RNFT1: variants seen among roughly 807,000 people sequenced by gnomAD.
RNFT1 encodes the protein ring finger protein, transmembrane 1.
RNFT1 carries 35 observed loss-of-function variants against 53.2 expected under a neutral mutation model. The observed-to-expected ratio is 0.66, with a 90% CI of 0.50 to 0.87. The LOEUF (loss-of-function observed/expected upper bound fraction) is 0.87. RNFT1 is among the 40% of genes least tolerant of loss of function. The probability of loss-of-function intolerance (pLI) is 0.00; values close to 1 mark genes in which losing one functional copy is unlikely to be tolerated. For missense variants in RNFT1, 421 were observed against 515.0 expected, an observed-to-expected ratio of 0.82 and a Z score of 1.77; for synonymous variants, 141 against 172.8, an observed-to-expected ratio of 0.82 and a Z score of 1.44.
At chr17:59,959,555 A>G (rs1369741742) in intron 4 of RNFT1, 1 of 152,244 alleles carries the variant, frequency 6.6e-6, no homozygotes, top group Non-Finnish European at 1.5e-5. Context: ...GTATCAAAAA[A>G]TTAAATATTT....
chr17:59,955,234 G>T (rs938873041), intron 7 of RNFT1, among the ~76,000 whole-genome samples: 5 of 152,148 alleles, frequency 3.3e-5, no homozygotes, highest in African/African-American at 1.2e-4. Context: ...TGGTAATAAA[G>T]ATTTCAGAAA....
intron 7 of RNFT1, among the ~76,000 whole-genome samples, 159 bp from the exon 8 acceptor site, chr17:59,954,305 C>T (rs150915376): frequency 3.3e-5 from 5 of 152,262 alleles, no homozygotes; most frequent in Non-Finnish European, 7.4e-5. Context: ...TATACAGAAC[C>T]ACCTCTTGAG....
At position 59,964,640 on chromosome 17, in the gene RNFT1, G is replaced by C. The variant is rs1328664465; in HGVS notation, c.24C>G (p.Leu8=). The part of the protein sequence containing the change: MPLFLLS[L]PTPPSASGHE... The stretch of plus-strand genomic sequence containing the variant: ...GACCAGAAGCGGACGGAGGTGTCGG[G>C]AGCGACAGCAAGAACAGCGGCATAC... Residue 8 remains leucine, a synonymous_variant, in exon 1 of 9, where the codon CTC becomes CTG. Coordinates refer to ENST00000305783, the MANE Select transcript of RNFT1 (RefSeq NM_016125.4). 1 of 1,608,430 alleles carries C rather than the reference G, an allele frequency of 6.2e-7. No homozygotes were observed. The highest frequency in any genetic ancestry group is 8.5e-7 in the Non-Finnish European group (1 of 1,177,730).
At chr17:59,963,456 C>T (rs1170471490) in intron 1 of RNFT1, among the ~76,000 whole-genome samples, 172 bp from the exon 2 acceptor site, 1 of 151,902 alleles carries the variant, frequency 6.6e-6, no homozygotes, top group Non-Finnish European at 1.5e-5. Context: ...CAAGGCTCTG[C>T]TGCCCTACAC....
chr17:59,961,045 T>G (rs1439277045), intron 3 of RNFT1, among the ~76,000 whole-genome samples: 1 of 151,522 alleles, frequency 6.6e-6, no homozygotes, highest in African/African-American at 2.4e-5. Flanking sequence ...TTTTTTTTTT[T>G]TACTTTTTTG....
At chr17:59,955,228 A>C (rs980381860) in intron 7 of RNFT1, among the ~76,000 whole-genome samples, 3 of 152,230 alleles carry the variant, frequency 2.0e-5, no homozygotes, top group Non-Finnish European at 4.4e-5. Flanking sequence ...TGAAACTGGT[A>C]ATAAAGATTT....
In RNFT1 at chr17:59,957,214, T is replaced by A. The variant is rs768705641; in HGVS notation, c.1005+10A>T. The A allele has an allele frequency of 1.2e-6, 2 of 1,608,856 alleles. No individual in the cohort carries two copies. Among genetic ancestry groups the A allele is most frequent in the Non-Finnish European group, 8.5e-7 (1 of 1,178,066 alleles). On this transcript the variant is annotated intron_variant, in intron 6 of 8. Transcript: ENST00000305783. ...AATCATGCAGTGACAAGATTTGTAATGTTACCTACTTTTAATATGAGGTAG... is the reference window on the plus strand; with the variant it reads ...AATCATGCAGTGACAAGATTTGTAAAGTTACCTACTTTTAATATGAGGTAG...
intron 1 of RNFT1, 57 bp downstream of exon 1, chr17:59,964,551 C>T: frequency 6.5e-7 from 1 of 1,528,702 alleles, no homozygotes; most frequent in Non-Finnish European, 8.9e-7. Flanking sequence ...TCCCCAGAGC[C>T]CCCTGCGCCG....
chr17:59,958,771 T>C, intron 4 of RNFT1: 1 of 415,080 alleles, frequency 2.4e-6, no homozygotes, highest in Non-Finnish European at 4.7e-6. Flanking sequence ...CAATCAGGAT[T>C]CCATCTCTTC....
At chr17:59,954,019 G>A in intron 8 of RNFT1, 26 bp downstream of exon 8, 3 of 1,407,622 alleles carry the variant, frequency 2.1e-6, no homozygotes, top group Non-Finnish European at 2.9e-6. Context: ...TTGTATTTAG[G>A]TTTTTAAATT....
At chr17:59,957,167 T>G in intron 6 of RNFT1, 57 bp downstream of exon 6, 1 of 1,507,220 alleles carries the variant, frequency 6.6e-7, no homozygotes, top group Non-Finnish European at 9.1e-7. Context: ...AACAGTAGTA[T>G]GTATCAGTAA....
chr17:59,960,580 G>C (rs532261329), intron 3 of RNFT1, among the ~76,000 whole-genome samples: 22 of 151,934 alleles, frequency 1.4e-4, no homozygotes, highest in African/African-American at 5.1e-4. Flanking sequence ...GGAGGCCAAG[G>C]TCGGCGGATC....
chr17:59,962,844 ACAAGTTTGACGCT>A lies in RNFT1; in HGVS notation c.484_496del (p.Ser162LeufsTer5). 2 of 1,611,780 alleles carry A rather than the reference ACAAGTTTGACGCT, an allele frequency of 1.2e-6. No individual in the cohort carries two copies. Among genetic ancestry groups the A allele is most frequent in the South Asian group, 2.2e-5 (2 of 91,076 alleles). ...TGTCCTACCTGTTATATGCTGCATA[ACAAGTTTGACGCT>A]CAGAATCAAAATATATGGAAGACTT... On this transcript the variant is annotated frameshift_variant, in exon 2 of 9. Coordinates refer to ENST00000305783, the MANE Select transcript of RNFT1 (RefSeq NM_016125.4). LOFTEE classifies it high-confidence loss of function.
At position 59,963,225 on chromosome 17, in the gene RNFT1, T is replaced by C. The variant is rs2045308932; in HGVS notation, c.116A>G (p.Gln39Arg). The C allele has an allele frequency of 1.9e-6, 3 of 1,614,020 alleles. No individual in the cohort carries two copies. Among genetic ancestry groups the C allele is most frequent in the Middle Eastern group, 1.6e-4 (1 of 6,062 alleles). Residue 39 changes from glutamine to arginine, a missense_variant, in exon 2 of 9, where the codon CAA becomes CGA. Physicochemically the swap from Gln to Arg is conservative, Grantham distance 43. Transcript: ENST00000305783. Reference protein sequence around the residue: ...GSEKKYLRAMQANRSQLHSPP... With the variant: ...GSEKKYLRAMRANRSQLHSPP... The stretch of plus-strand genomic sequence containing the variant: ...ACTGTGCAGTTGGCTACGATTGGCT[T>C]GCATGGCCCTTAAATACTTTTTCTC...
chr17:59,960,530 G>T (rs1213210908), intron 3 of RNFT1, among the ~76,000 whole-genome samples: 4 of 149,340 alleles, frequency 2.7e-5, no homozygotes, highest in African/African-American at 9.9e-5. Context: ...ACCCACCCAG[G>T]ACGGGGGCAG....
At chr17:59,959,294 C>G (rs1325058726) in intron 4 of RNFT1, 1 of 152,428 alleles carries the variant, frequency 6.6e-6, no homozygotes, top group Admixed American at 6.5e-5. Flanking sequence ...ACCCACCTAT[C>G]CAATCCAGTC....
chr17:59,953,097 T>C lies in RNFT1; in HGVS notation c.1188A>G (p.Glu396=). The C allele has an allele frequency of 6.2e-7, 1 of 1,604,398 alleles. No homozygotes were observed. The highest frequency in any genetic ancestry group is 1.3e-5 in the African/African-American group (1 of 74,774). Residue 396 remains glutamate, a synonymous_variant, in exon 9 of 9, where the codon GAA becomes GAG. Coordinates refer to ENST00000305783, the MANE Select transcript of RNFT1 (RefSeq NM_016125.4). ...ILLICQHIFC[E]ECMTLWFNRE... is the part of the protein sequence containing the mutation. Reference sequence around the variant, plus strand: ...TGTTAAACCATAAGGTCATGCACTCTTCACAAAATATATGCTGTAATGGAA... The same window carrying C: ...TGTTAAACCATAAGGTCATGCACTCCTCACAAAATATATGCTGTAATGGAA...
rs772635440 is a variant in RNFT1, at chr17:59,963,045, A to T, written c.296T>A (p.Ile99Lys). The T allele has an allele frequency of 6.2e-7, 1 of 1,614,060 alleles. No homozygotes were observed. The highest frequency in any genetic ancestry group is 8.5e-7 in the Non-Finnish European group (1 of 1,180,044). ...ECAENASSRNIRSGVHSCAHG... is the reference protein window; with the variant it reads ...ECAENASSRNKRSGVHSCAHG... ...GGCACAGCTATGGACACCTGACCTT[A>T]TATTTCTGGAGCTTGCATTTTCTGC... is the stretch of plus-strand genomic sequence containing the variant. Residue 99 changes from isoleucine (I) to lysine (K), a missense_variant, in exon 2 of 9, where the codon ATA becomes AAA. Physicochemically the swap from Ile to Lys is moderately radical, Grantham distance 102. Coordinates refer to ENST00000305783, the MANE Select transcript of RNFT1 (RefSeq NM_016125.4).
At chr17:59,961,882 CTTTTT>C (rs71370154) in intron 3 of RNFT1, among the ~76,000 whole-genome samples, 3 of 91,430 alleles carry the variant, frequency 3.3e-5, no homozygotes, top group African/African-American at 4.4e-5. Context: ...TGGCCCAGGT[CTTTTT>C]TTTTTTTTTT....
Sources: gnomAD v4.1 joint callset for allele counts (sites outside exome capture counted in the v4.1 genomes callset) on GRCh38, gnomAD v4.1.1 for gene constraint, MANE v1.5 for transcripts, NCBI Gene and HGNC (gene_info 2026-07-23, HGNC 2026-07-21) for gene names.